The following ERBB4 variants were observed in gnomAD, a reference collection of about 807,000 sequenced individuals.
ERBB4 encodes the protein erb-b2 receptor tyrosine kinase 4.
Under a neutral mutation model 158.0 loss-of-function variants are expected in ERBB4, and 42 were observed. That is an observed-to-expected ratio of 0.27 (90% CI 0.21 to 0.34). ERBB4 has a LOEUF of 0.34. Among genes scored for constraint, ERBB4 ranks in the 10% least tolerant of loss-of-function variants. The pLI, the probability that ERBB4 is intolerant of heterozygous loss-of-function variation, is 1.00. For synonymous variants in ERBB4, 583 were observed against 558.7 expected, an observed-to-expected ratio of 1.04 and a Z score of -0.61; for missense variants, 1,333 against 1,624.1, an observed-to-expected ratio of 0.82 and a Z score of 3.08.
chr2:211,597,333 G>A (rs1341317157), intron 19 of ERBB4, among the ~76,000 whole-genome samples: 1 of 152,040 alleles, frequency 6.6e-6, no homozygotes, highest in Non-Finnish European at 1.5e-5. Flanking sequence ...AACTTAACCA[G>A]ACCATCATTT....
chr2:212,310,484 C>T (rs541182774), intron 1 of ERBB4, among the ~76,000 whole-genome samples: 12 of 150,626 alleles, frequency 8.0e-5, no homozygotes, highest in African/African-American at 2.4e-4. Context: ...CTCCTTACAG[C>T]TTATTATACA....
intron 2 of ERBB4, among the ~76,000 whole-genome samples, chr2:211,989,479 T>C (rs1303587458): frequency 6.6e-6 from 1 of 151,932 alleles, no homozygotes; most frequent in Non-Finnish European, 1.5e-5. Flanking sequence ...TCTATAATAT[T>C]CTTAAAATAA....
intron 2 of ERBB4, among the ~76,000 whole-genome samples, chr2:212,014,958 G>A (rs1408342653): frequency 1.4e-5 from 2 of 147,420 alleles, no homozygotes; most frequent in African/African-American, 2.5e-5. Context: ...TTTGGGAGGC[G>A]AAGGCGGATG....
chr2:211,848,401 A>C (rs2106023969), intron 3 of ERBB4, among the ~76,000 whole-genome samples: 1 of 152,218 alleles, frequency 6.6e-6, no homozygotes, highest in African/African-American at 2.4e-5. Flanking sequence ...ACCTGGAATC[A>C]TGGCCTGTCT....
chr2:212,430,102 A>G (rs2091994273), intron 1 of ERBB4, among the ~76,000 whole-genome samples: 1 of 152,200 alleles, frequency 6.6e-6, no homozygotes, highest in African/African-American at 2.4e-5. Context: ...AAAGAAAATA[A>G]ATAATGCTTA....
intron 1 of ERBB4, among the ~76,000 whole-genome samples, chr2:212,512,311 A>C (rs2106283111): frequency 6.6e-6 from 1 of 151,448 alleles, no homozygotes; most frequent in South Asian, 2.1e-4. Flanking sequence ...TGGGAGAAAA[A>C]TATACATATT....
chr2:211,963,346 T>C (rs1459522071), intron 2 of ERBB4, among the ~76,000 whole-genome samples: 1 of 152,146 alleles, frequency 6.6e-6, no homozygotes, highest in African/African-American at 2.4e-5. Flanking sequence ...ATGTCAAGGT[T>C]GATTGACTTA....
chr2:212,371,780 C>G (rs1191962041), intron 1 of ERBB4, among the ~76,000 whole-genome samples: 2 of 152,044 alleles, frequency 1.3e-5, no homozygotes, highest in Non-Finnish European at 2.9e-5. Flanking sequence ...TACTCCAAAC[C>G]ATGAAAAGTC....
At chr2:212,518,478 C>T (rs1196436501) in intron 1 of ERBB4, among the ~76,000 whole-genome samples, 3 of 152,024 alleles carry the variant, frequency 2.0e-5, no homozygotes, top group African/African-American at 7.2e-5. Flanking sequence ...ATTAAATATC[C>T]TTCAACATTT....
intron 3 of ERBB4, among the ~76,000 whole-genome samples, chr2:211,898,713 A>T (rs1001610743): frequency 5.3e-5 from 8 of 152,182 alleles, no homozygotes; most frequent in Admixed American, 6.6e-5. Flanking sequence ...AAATTAAAAA[A>T]TGATAAGGAA....
chr2:212,255,883 T>C (rs1395851064), intron 1 of ERBB4, among the ~76,000 whole-genome samples: 3 of 152,234 alleles, frequency 2.0e-5, no homozygotes, highest in African/African-American at 7.2e-5. Flanking sequence ...TGCAGTGGCA[T>C]GATCATAGTT....
chr2:212,330,215 T>C (rs1333449135), intron 1 of ERBB4, among the ~76,000 whole-genome samples: 2 of 72,832 alleles, frequency 2.7e-5, no homozygotes, highest in Non-Finnish European at 5.9e-5. Flanking sequence ...TTGTGCTGTA[T>C]CTGTGTTTTT....
intron 1 of ERBB4, among the ~76,000 whole-genome samples, chr2:212,430,956 G>A (rs1178012424): frequency 6.6e-6 from 1 of 151,934 alleles, no homozygotes. Flanking sequence ...CCCCAAACCT[G>A]GTCACATTGA....
intron 1 of ERBB4, among the ~76,000 whole-genome samples, chr2:212,398,493 C>A (rs559413737): frequency 6.6e-6 from 1 of 152,136 alleles, no homozygotes; most frequent in East Asian, 1.9e-4. Flanking sequence ...ATCCAAAATG[C>A]CAACATGATC....
chr2:212,058,893 C>T (rs542323526), intron 2 of ERBB4, among the ~76,000 whole-genome samples: 3 of 152,276 alleles, frequency 2.0e-5, no homozygotes, highest in Admixed American at 1.3e-4. Context: ...GACAGGGATG[C>T]CCTCTCTCAT....
At chr2:212,396,282 G>A (rs2106450066) in intron 1 of ERBB4, among the ~76,000 whole-genome samples, 1 of 152,216 alleles carries the variant, frequency 6.6e-6, no homozygotes, top group South Asian at 2.1e-4. Flanking sequence ...AATTCAGAAT[G>A]AATCCAGAGA....
At chr2:212,005,786 A>T (rs1300356210) in intron 2 of ERBB4, among the ~76,000 whole-genome samples, 1 of 152,184 alleles carries the variant, frequency 6.6e-6, no homozygotes, top group Non-Finnish European at 1.5e-5. Flanking sequence ...ATTTTTCAAT[A>T]TGTTAAAGAT....
chr2:211,933,490 T>C (rs960898939), intron 3 of ERBB4, among the ~76,000 whole-genome samples: 4 of 152,124 alleles, frequency 2.6e-5, no homozygotes, highest in Non-Finnish European at 5.9e-5. Flanking sequence ...TTGATGACTT[T>C]AGATTACAAT....
intron 3 of ERBB4, among the ~76,000 whole-genome samples, chr2:211,932,639 A>C (rs1339764765): frequency 6.6e-6 from 1 of 151,910 alleles, no homozygotes; most frequent in Non-Finnish European, 1.5e-5. Context: ...CATGGCTTAA[A>C]AGTTCCCATT....
Sources: gnomAD v4.1 joint callset for allele counts (sites outside exome capture counted in the v4.1 genomes callset) on GRCh38, gnomAD v4.1.1 for gene constraint, MANE v1.5 for transcripts, NCBI Gene and HGNC (gene_info 2026-07-23, HGNC 2026-07-21) for gene names.